RBM20: variants seen among roughly 807,000 people sequenced by gnomAD.
RBM20 encodes the protein RNA-binding protein 20.
A neutral mutation model predicts 110.1 loss-of-function variants in RBM20; 51 were observed. The ratio of observed to expected loss-of-function variants is 0.46; its 90% CI spans 0.37 to 0.59. RBM20 has a LOEUF of 0.59. RBM20 is among the 20% of genes least tolerant of loss of function. RBM20 has a pLI of 0.00. For missense variants in RBM20, 1,512 were observed against 1,574.9 expected (o/e 0.96, Z 0.68); for synonymous variants, 589 against 618.2 (o/e 0.95, Z 0.70).
chr10:110,790,683 G>A (rs1844472651), intron 5 of RBM20, among the ~76,000 whole-genome samples: 2 of 152,084 alleles, frequency 1.3e-5, no homozygotes, highest in African/African-American at 2.4e-5. Flanking sequence ...CTTAACATAA[G>A]CTTTCAATAT....
intron 1 of RBM20, among the ~76,000 whole-genome samples, chr10:110,662,026 A>G (rs1275016327): frequency 1.3e-5 from 2 of 151,856 alleles, no homozygotes; most frequent in Non-Finnish European, 2.9e-5. Flanking sequence ...AAAAAAAAAG[A>G]TAGTAGCATT....
chr10:110,744,158 C>T (rs1843751769), intron 1 of RBM20, among the ~76,000 whole-genome samples: 1 of 152,200 alleles, frequency 6.6e-6, no homozygotes, highest in African/African-American at 2.4e-5. Context: ...TCAGATACCT[C>T]TCTATACAGA....
At chr10:110,674,925 C>T (rs1191629805) in intron 1 of RBM20, among the ~76,000 whole-genome samples, 1 of 152,214 alleles carries the variant, frequency 6.6e-6, no homozygotes, top group African/African-American at 2.4e-5. Context: ...ATATCATATA[C>T]TGTCCTCAAG....
In RBM20 at chr10:110,831,121, C is replaced by T. The variant is rs371181124; in HGVS notation, c.3512C>T (p.Thr1171Met). Residue 1171 changes from threonine to methionine, a missense_variant, in exon 13 of 14, where the codon ACG becomes ATG. Physicochemically the swap from Thr to Met is moderately conservative, Grantham distance 81 (BLOSUM62 -1). Coordinates refer to ENST00000369519, the MANE Select transcript of RBM20 (RefSeq NM_001134363.3). The stretch of plus-strand genomic sequence containing the variant: ...TGCAAGCTGTGTGGGCTGTTCTACA[C>T]GAGCGAGGAGACAGCAAAGATGAGC... ...FYCKLCGLFY[T>M]SEETAKMSHC... The T allele has an allele frequency of 3.4e-5, 53 of 1,551,446 alleles. No homozygotes were observed. In the African/African-American group the frequency reaches 3.7e-4, roughly 11 times the overall value.
chr10:110,680,570 A>T (rs1051325985), intron 1 of RBM20, among the ~76,000 whole-genome samples: 2 of 152,102 alleles, frequency 1.3e-5, no homozygotes, highest in Admixed American at 6.5e-5. Context: ...GCGAGCCAGG[A>T]TTTGCCAAGG....
intron 5 of RBM20, among the ~76,000 whole-genome samples, chr10:110,788,270 G>C (rs902982005): frequency 2.0e-5 from 3 of 152,190 alleles, no homozygotes; most frequent in Non-Finnish European, 2.9e-5. Flanking sequence ...CGTTGCAGGT[G>C]ACAGGGACTT....
intron 11 of RBM20, 44 bp from the exon 12 acceptor site, chr10:110,823,427 ATTTCTTTTT>A (rs1844940032): frequency 7.3e-7 from 1 of 1,362,722 alleles, no homozygotes. Context: ...GGCATGTTGT[ATTTCTTTTT>A]TTTTTTTTTT....
chr10:110,649,326 C>T (rs915384012), intron 1 of RBM20, among the ~76,000 whole-genome samples: 7 of 152,076 alleles, frequency 4.6e-5, no homozygotes, highest in African/African-American at 1.2e-4. Context: ...CCACAACAGC[C>T]GGTCCTCAAG....
chr10:110,797,344 T>G (rs1392834319), intron 5 of RBM20, among the ~76,000 whole-genome samples, 164 bp from the exon 6 acceptor site: 1 of 152,104 alleles, frequency 6.6e-6, no homozygotes, highest in Non-Finnish European at 1.5e-5. Flanking sequence ...AGAATAAAAT[T>G]GATATTTTAT....
intron 9 of RBM20, among the ~76,000 whole-genome samples, chr10:110,815,666 C>A (rs1393874954): frequency 6.6e-6 from 1 of 152,234 alleles, no homozygotes; most frequent in Non-Finnish European, 1.5e-5. Flanking sequence ...ACTCACACTC[C>A]TGAGACTCTG....
chr10:110,708,425 C>T (rs540830640), intron 1 of RBM20, among the ~76,000 whole-genome samples: 12 of 152,104 alleles, frequency 7.9e-5, no homozygotes, highest in Non-Finnish European at 1.3e-4. Flanking sequence ...TAATTTTTTT[C>T]AACTATTTTC....
In RBM20 at chr10:110,809,328, G is replaced by A. The variant is rs549865485; in HGVS notation, c.1801-1055G>A. ...TTATCAAAAGTTTACATAGACTGAG[G>A]GTTTTTAGTCTTGGTCTTTAAAAAA... is the stretch of plus-strand genomic sequence containing the variant. On this transcript the variant is annotated intron_variant, in intron 7 of 13. Transcript: ENST00000369519. Among the ~76,000 whole-genome samples the A allele has an allele frequency of 1.5e-4, 22 of 151,622 alleles. No homozygotes were observed. The East Asian group carries it at 3.7e-3, about 25-fold the overall frequency.
chr10:110,734,650 G>T (rs999501375), intron 1 of RBM20, among the ~76,000 whole-genome samples: 2 of 127,510 alleles, frequency 1.6e-5, no homozygotes. Context: ...AGTGTCCTTA[G>T]TATACCCAGA....
chr10:110,784,086 A>G (rs1047224274), intron 3 of RBM20, among the ~76,000 whole-genome samples: 2 of 152,194 alleles, frequency 1.3e-5, no homozygotes, highest in African/African-American at 4.8e-5. Flanking sequence ...CAACCTTTCT[A>G]TGACTGAACA....
At chr10:110,803,922 A>C (rs982168414) in intron 7 of RBM20, among the ~76,000 whole-genome samples, 3 of 150,400 alleles carry the variant, frequency 2.0e-5, no homozygotes, top group Non-Finnish European at 4.4e-5. Flanking sequence ...AGAGACCCTC[A>C]TTAGGACTTG....
At position 110,767,780 on chromosome 10, in the gene RBM20, G is replaced by T. The variant is rs549483705; in HGVS notation, c.192-13021G>T. The stretch of plus-strand genomic sequence containing the variant: ...ACTTCCTAGATGGGATGGCAGCCGA[G>T]AAGAGGCGCTCCTCACTTCCTAGAT... On this transcript the variant is annotated intron_variant, in intron 1 of 13. Coordinates refer to ENST00000369519, the MANE Select transcript of RBM20 (RefSeq NM_001134363.3). Among the ~76,000 whole-genome samples, 699 of 152,230 alleles carry T rather than the reference G, an allele frequency of 4.6e-3. 5 individuals carry two copies. Among genetic ancestry groups the T allele is most frequent in the African/African-American group, 0.015 (640 of 41,542 alleles).
intron 1 of RBM20, among the ~76,000 whole-genome samples, chr10:110,675,583 G>A (rs2134849413): frequency 6.6e-6 from 1 of 152,322 alleles, no homozygotes; most frequent in South Asian, 2.1e-4. Flanking sequence ...GGGTTCAGAT[G>A]AACTGAATCA....
intron 4 of RBM20, 55 bp from the exon 5 acceptor site, chr10:110,784,737 G>T: frequency 8.8e-7 from 1 of 1,138,994 alleles, no homozygotes; most frequent in South Asian, 1.3e-5. Context: ...TCCTAATAAT[G>T]ACTTTTGATG....
intron 1 of RBM20, among the ~76,000 whole-genome samples, chr10:110,775,337 A>C (rs1844247635): frequency 6.6e-6 from 1 of 152,236 alleles, no homozygotes; most frequent in Non-Finnish European, 1.5e-5. Flanking sequence ...TTATCTTGGA[A>C]GATATTGTGC....
Sources: gnomAD v4.1 joint callset for allele counts (sites outside exome capture counted in the v4.1 genomes callset) on GRCh38, gnomAD v4.1.1 for gene constraint, MANE v1.5 for transcripts, NCBI Gene and HGNC (gene_info 2026-07-23, HGNC 2026-07-21) for gene names.